RAB11FIP1: variants seen among roughly 807,000 people sequenced by gnomAD.
RAB11FIP1 encodes the protein rab11 family-interacting protein 1.
In RAB11FIP1, 49 loss-of-function variants were observed where a neutral mutation model predicts 83.1. The observed-to-expected ratio is 0.59, with a 90% CI of 0.47 to 0.75. RAB11FIP1 has a LOEUF of 0.75. Among genes scored for constraint, RAB11FIP1 ranks in the 30% least tolerant of loss-of-function variants. The pLI, the probability that RAB11FIP1 is intolerant of heterozygous loss-of-function variation, is 0.00. For synonymous variants in RAB11FIP1, 670 were observed against 656.0 expected, an observed-to-expected ratio of 1.02 and a Z score of -0.33; for missense variants, 1,536 against 1,598.7, an observed-to-expected ratio of 0.96 and a Z score of 0.67.
At chr8:37,895,809 A>G (rs373219065) in intron 1 of RAB11FIP1, among the ~76,000 whole-genome samples, 1 of 152,148 alleles carries the variant, frequency 6.6e-6, no homozygotes, top group Non-Finnish European at 1.5e-5. Context: ...TTCTGGACCC[A>G]AGAAAAAAGT....
chr8:37,874,290 A>G (rs1806551388), intron 3 of RAB11FIP1, among the ~76,000 whole-genome samples: 2 of 152,242 alleles, frequency 1.3e-5, no homozygotes. Context: ...AGGACAGACC[A>G]TGCCTGCTGG....
intron 1 of RAB11FIP1, among the ~76,000 whole-genome samples, chr8:37,895,218 A>AACATATATAT (rs1807040443): frequency 7.3e-5 from 1 of 13,704 alleles, no homozygotes; most frequent in African/African-American, 2.1e-4. Flanking sequence ...GGTGCCTGCC[A>AACATATATAT]ATATATATAT....
chr8:37,887,503 C>T (rs1469849448), intron 1 of RAB11FIP1, among the ~76,000 whole-genome samples: 3 of 150,942 alleles, frequency 2.0e-5, no homozygotes, highest in Non-Finnish European at 2.9e-5. Flanking sequence ...GGCACTCCAG[C>T]CTGGGTGGCA....
At chr8:37,864,316 A>G (rs537515173) in intron 5 of RAB11FIP1, among the ~76,000 whole-genome samples, 61 of 152,342 alleles carry the variant, frequency 4.0e-4, no homozygotes, top group Non-Finnish European at 2.5e-4. Flanking sequence ...GCTTAAATGA[A>G]AAGTCACATG....
intron 1 of RAB11FIP1, among the ~76,000 whole-genome samples, chr8:37,889,535 G>A (rs1806904819): frequency 6.6e-6 from 1 of 152,164 alleles, no homozygotes; most frequent in African/African-American, 2.4e-5. Context: ...TTGTCTTGGG[G>A]CAACCATGGG....
At chr8:37,889,796 CT>C (rs113816749) in intron 1 of RAB11FIP1, among the ~76,000 whole-genome samples, 52 of 148,024 alleles carry the variant, frequency 3.5e-4, no homozygotes, top group African/African-American at 6.2e-4. Flanking sequence ...AAAAGCATTT[CT>C]TTTTTTTTTT....
rs1563369320 is a variant in RAB11FIP1 at position 37,875,055 on chromosome 8, A to T, written c.1082T>A (p.Leu361Gln). Residue 361 changes from leucine to glutamine, a missense_variant, in exon 3 of 6, where the codon CTG becomes CAG. Leu to Gln is a moderately radical substitution (Grantham distance 113). Transcript: ENST00000330843. Reference sequence around the variant, plus strand: ...AGGCTCCTTCCAAGACCCAGCCGCCAGGTTCTCTGTAGAAGAGAACAAATG... The same window carrying T: ...AGGCTCCTTCCAAGACCCAGCCGCCTGGTTCTCTGTAGAAGAGAACAAATG... Reference protein sequence around the residue: ...KKHLFSSTENLAAGSWKEPAE... With the variant: ...KKHLFSSTENQAAGSWKEPAE... 1 of 1,614,200 alleles carries T rather than the reference A, an allele frequency of 6.2e-7. No individual in the cohort carries two copies. Among genetic ancestry groups the T allele is most frequent in the Admixed American group, 1.7e-5 (1 of 60,020 alleles).
Position 37,871,461 on chromosome 8 carries a change from G to A in RAB11FIP1, c.3341C>T (p.Ala1114Val), listed in dbSNP as rs1218238252. Reference protein sequence around the residue: ...FPVTHSFPSSAHSDTHHTSTA... With the variant: ...FPVTHSFPSSVHSDTHHTSTA... ...GCTGGTGTGGTGAGTGTCAGAATGT[G>A]CAGAGCTGGGGAAAGAGTGTGTGAC... The change falls in exon 4 of 6, where the codon GCA (alanine) becomes GTA (valine). Residue 1114 changes from alanine to valine, a missense_variant. Transcript: ENST00000330843. The A allele has an allele frequency of 1.2e-6, 2 of 1,614,088 alleles. No individual in the cohort carries two copies. The highest frequency in any genetic ancestry group is 1.7e-6 in the Non-Finnish European group (2 of 1,179,958).
chr8:37,869,146 T>G (rs1180517083), intron 5 of RAB11FIP1, among the ~76,000 whole-genome samples: 2 of 149,664 alleles, frequency 1.3e-5, no homozygotes, highest in East Asian at 2.0e-4. Context: ...GAGGATTGAT[T>G]GGGCCCAGGA....
intron 5 of RAB11FIP1, among the ~76,000 whole-genome samples, chr8:37,863,462 G>A (rs966547256): frequency 3.9e-5 from 6 of 152,090 alleles, no homozygotes; most frequent in Non-Finnish European, 8.8e-5. Flanking sequence ...TGGCCAGGCT[G>A]GTCTTGAACT....
intron 1 of RAB11FIP1, among the ~76,000 whole-genome samples, chr8:37,898,216 C>T (rs1807131699): frequency 6.6e-6 from 1 of 152,220 alleles, no homozygotes; most frequent in African/African-American, 2.4e-5. Context: ...CCTGCAGATT[C>T]AAAAGCGCCC....
Position 37,861,577 on chromosome 8 carries a change from T to A in RAB11FIP1, c.*1318A>T. On this transcript the variant is annotated 3_prime_UTR_variant, in exon 6 of 6. Coordinates refer to ENST00000330843, the MANE Select transcript of RAB11FIP1 (RefSeq NM_001002814.3). ...CTTTTTAGTTTTTTTTAAGACAGAG[T>A]CTTAAAAAAATTGCCCAGGCTCTTT... 2.3e-6 allele frequency: 1 copy of A among 441,964 alleles called. No individual in the cohort carries two copies. Among genetic ancestry groups the A allele is most frequent in the Non-Finnish European group, 4.5e-6 (1 of 223,600 alleles). 27.4% of individuals were successfully genotyped at this position (441,964 alleles called of 1,614,324 possible). A position where few individuals can be genotyped will look rare whatever the true frequency, so the allele number is the denominator to read the frequency against.
intron 1 of RAB11FIP1, among the ~76,000 whole-genome samples, chr8:37,880,423 C>T (rs753355692): frequency 6.4e-4 from 97 of 152,122 alleles, no homozygotes; most frequent in Non-Finnish European, 1.2e-3. Flanking sequence ...CTCAGCCTCC[C>T]GAGTAGCTGG....
Position 37,872,117 on chromosome 8 carries a change from G to A in RAB11FIP1, c.2685C>T (p.Ser895=), listed in dbSNP as rs184230719. 12 of 1,614,026 alleles carry A rather than the reference G, an allele frequency of 7.4e-6. No individual in the cohort carries two copies. The highest frequency in any genetic ancestry group is 4.5e-5 in the East Asian group (2 of 44,868). ...AGCTTGCTTCACTCATGGGGACTTC[G>A]GAGAAACTCTCCTCCTGGGAGGGGA... The part of the protein sequence containing the change: ...LLLPSQEESF[S]EVPMSEASSA... Residue 895 remains serine, a synonymous_variant, in exon 4 of 6, where the codon TCC becomes TCT. Transcript: ENST00000330843.
intron 1 of RAB11FIP1, among the ~76,000 whole-genome samples, chr8:37,892,339 G>C (rs1806963441): frequency 6.6e-6 from 1 of 152,084 alleles, no homozygotes; most frequent in African/African-American, 2.4e-5. Context: ...TTCTAGGTTA[G>C]GCCAGCTTCA....
In RAB11FIP1 at chr8:37,861,572, C is replaced by T. The variant is rs1351191891; in HGVS notation, c.*1323G>A. 2.3e-6 allele frequency: 1 copy of T among 443,102 alleles called. No individual in the cohort carries two copies. Among genetic ancestry groups the T allele is most frequent in the African/African-American group, 2.1e-5 (1 of 48,340 alleles). The allele number at this position is 443,102 out of a possible 1,614,324, so 27.4% of individuals were successfully genotyped here. Reference sequence around the variant, plus strand: ...TTTTTCTTTTTAGTTTTTTTTAAGACAGAGTCTTAAAAAAATTGCCCAGGC... The same window carrying T: ...TTTTTCTTTTTAGTTTTTTTTAAGATAGAGTCTTAAAAAAATTGCCCAGGC... On this transcript the variant is annotated 3_prime_UTR_variant, in exon 6 of 6. Coordinates refer to ENST00000330843, the MANE Select transcript of RAB11FIP1 (RefSeq NM_001002814.3).
At chr8:37,891,758 G>T (rs749725725) in intron 1 of RAB11FIP1, among the ~76,000 whole-genome samples, 4 of 152,004 alleles carry the variant, frequency 2.6e-5, no homozygotes, top group African/African-American at 7.2e-5. Flanking sequence ...TCATTTATGG[G>T]TCTAACTTTA....
In RAB11FIP1 at chr8:37,865,472, AC is replaced by A. The variant is rs1806324842; in HGVS notation, c.3634-2360del. Among the ~76,000 whole-genome samples, 5 of 152,166 alleles carry A rather than the reference AC, an allele frequency of 3.3e-5. No homozygotes were observed. In the South Asian group the frequency reaches 1.0e-3, roughly 32 times the overall value. ...GTAGCTGGGATTACAGGCACCTGCC[AC>A]CACATCCAGCTAATTTTTGTATTTT... On this transcript the variant is annotated intron_variant, in intron 5 of 5. Coordinates refer to ENST00000330843, the MANE Select transcript of RAB11FIP1 (RefSeq NM_001002814.3).
At chr8:37,884,010 A>C (rs1806773628) in intron 1 of RAB11FIP1, among the ~76,000 whole-genome samples, 1 of 152,196 alleles carries the variant, frequency 6.6e-6, no homozygotes, top group Admixed American at 6.6e-5. Context: ...CAAGAATTAA[A>C]AGGATCTCTG....
Sources: gnomAD v4.1 joint callset for allele counts (sites outside exome capture counted in the v4.1 genomes callset) on GRCh38, gnomAD v4.1.1 for gene constraint, MANE v1.5 for transcripts, NCBI Gene and HGNC (gene_info 2026-07-23, HGNC 2026-07-21) for gene names.